The following ANO4 variants were observed in gnomAD, a reference collection of about 807,000 sequenced individuals.
The protein encoded by ANO4 is anoctamin-4.
ANO4 carries 69 observed loss-of-function variants against 141.9 expected under a neutral mutation model. The ratio of observed to expected loss-of-function variants is 0.49; its 90% CI spans 0.40 to 0.59. ANO4 has a LOEUF of 0.59. Ranked by LOEUF, ANO4 falls within the 20% of genes least tolerant of loss-of-function variation. The probability of loss-of-function intolerance (pLI) is 0.00; values close to 1 mark genes in which losing one functional copy is unlikely to be tolerated. For synonymous variants in ANO4, 350 were observed against 394.3 expected (o/e 0.89, Z 1.33); for missense variants, 894 against 1,162.2 (o/e 0.77, Z 3.36).
chr12:100,992,277 T>C (rs2045165317), intron 8 of ANO4, among the ~76,000 whole-genome samples: 1 of 152,220 alleles, frequency 6.6e-6, no homozygotes. Flanking sequence ...TTACAAGCTC[T>C]TAAATGCCTA....
chr12:100,760,272 C>G (rs960114411), intron 3 of ANO4, among the ~76,000 whole-genome samples: 1 of 152,166 alleles, frequency 6.6e-6, no homozygotes, highest in Non-Finnish European at 1.5e-5. Flanking sequence ...CTGTGTTTTC[C>G]ATGAGCTTTC....
In ANO4 at chr12:100,872,431, G is replaced by C. The variant is rs183804348; in HGVS notation, c.-140-29215G>C. Among the ~76,000 whole-genome samples the C allele has an allele frequency of 2.1e-4, 32 of 152,282 alleles. No homozygotes were observed. In the East Asian group the frequency reaches 5.6e-3, roughly 27 times the overall value. ...TTTCTGACCAATTCTCATATACCAA[G>C]TGTGGTCAGGAACATATATTTATGT... On this transcript the variant is annotated intron_variant, in intron 1 of 27. Coordinates refer to ENST00000392977, the MANE Select transcript of ANO4 (RefSeq NM_001286615.2).
At position 101,031,686 on chromosome 12, in the gene ANO4, T is replaced by C. The variant is rs1259805269; in HGVS notation, c.842-5409T>C. Among the ~76,000 whole-genome samples, 3 of 152,194 alleles carry C rather than the reference T, an allele frequency of 2.0e-5. No homozygotes were observed. In the East Asian group the frequency reaches 5.8e-4, roughly 29 times the overall value. On this transcript the variant is annotated intron_variant, in intron 9 of 27. Coordinates refer to ENST00000392977, the MANE Select transcript of ANO4 (RefSeq NM_001286615.2). ...ATGATTGTATATATAGAAAACTCCA[T>C]GATCTCAGCCAAAAATTTCCTTAAG...
chr12:100,975,741 A>G (rs1275129441), intron 7 of ANO4, among the ~76,000 whole-genome samples: 2 of 152,126 alleles, frequency 1.3e-5, no homozygotes, highest in African/African-American at 4.8e-5. Context: ...CGCCTGGCCA[A>G]TGTTATTTTT....
chr12:101,057,116 C>G (rs901308357), intron 14 of ANO4, among the ~76,000 whole-genome samples: 20 of 151,494 alleles, frequency 1.3e-4, no homozygotes, highest in African/African-American at 4.6e-4. Context: ...TTGGTTTTCT[C>G]TTCCTATGTT....
At chr12:100,894,520 AAGAT>A (rs1593666801) in intron 1 of ANO4, among the ~76,000 whole-genome samples, 1 of 152,058 alleles carries the variant, frequency 6.6e-6, no homozygotes, top group Non-Finnish European at 1.5e-5. Context: ...TCGCTTAACT[AAGAT>A]AGCACAAATT....
At chr12:100,904,346 G>A (rs568268467) in intron 2 of ANO4, among the ~76,000 whole-genome samples, 2 of 151,970 alleles carry the variant, frequency 1.3e-5, no homozygotes, top group South Asian at 4.2e-4. Context: ...ATAGTTATAT[G>A]TAAGCTATAT....
intron 9 of ANO4, among the ~76,000 whole-genome samples, chr12:101,035,292 A>G (rs1367587209): frequency 2.0e-5 from 3 of 152,230 alleles, no homozygotes; most frequent in Non-Finnish European, 2.9e-5. Context: ...TAAATGTTAT[A>G]TGATTCCATT....
At chr12:101,011,258 A>G (rs2046076022) in intron 8 of ANO4, among the ~76,000 whole-genome samples, 1 of 152,108 alleles carries the variant, frequency 6.6e-6, no homozygotes. Flanking sequence ...TAGAAGGAGC[A>G]AGAAATTCAC....
intron 26 of ANO4, among the ~76,000 whole-genome samples, chr12:101,125,483 G>T (rs2051273549): frequency 1.3e-5 from 2 of 152,082 alleles, no homozygotes; most frequent in Non-Finnish European, 2.9e-5. Flanking sequence ...TGACTGCCTG[G>T]GCCAGAACTT....
intron 8 of ANO4, among the ~76,000 whole-genome samples, chr12:101,003,866 T>C (rs1185327904): frequency 6.6e-6 from 1 of 152,106 alleles, no homozygotes; most frequent in Non-Finnish European, 1.5e-5. Flanking sequence ...TCCATGCAAG[T>C]TAACAAAGAC....
At chr12:101,034,315 G>T (rs950738967) in intron 9 of ANO4, among the ~76,000 whole-genome samples, 2 of 152,080 alleles carry the variant, frequency 1.3e-5, no homozygotes, top group East Asian at 1.9e-4. Flanking sequence ...TCCATAAAAA[G>T]GAATGAGATT....
intron 14 of ANO4, among the ~76,000 whole-genome samples, chr12:101,061,339 G>A (rs561706825): frequency 1.3e-5 from 2 of 151,568 alleles, no homozygotes; most frequent in South Asian, 2.1e-4. Context: ...TTTAACCTTG[G>A]TGAATCTGAC....
chr12:101,076,615 G>C (rs1397406733), intron 14 of ANO4, among the ~76,000 whole-genome samples: 1 of 151,742 alleles, frequency 6.6e-6, no homozygotes. Context: ...TAGAGGGTTG[G>C]TAGGGCGTAG....
chr12:100,914,776 A>AG (rs973618315), intron 2 of ANO4, among the ~76,000 whole-genome samples: 1 of 152,094 alleles, frequency 6.6e-6, no homozygotes, highest in African/African-American at 2.4e-5. Flanking sequence ...GGCTGATGCC[A>AG]GGAAAGTCTG....
At chr12:101,102,127 C>G (rs1335851784) in intron 22 of ANO4, among the ~76,000 whole-genome samples, 12 of 152,082 alleles carry the variant, frequency 7.9e-5, no homozygotes, top group Admixed American at 7.9e-4. Flanking sequence ...CATTCTACTG[C>G]TGATAGACAC....
chr12:100,907,717 T>C (rs1051527209), intron 2 of ANO4, among the ~76,000 whole-genome samples: 1 of 152,254 alleles, frequency 6.6e-6, no homozygotes, highest in Non-Finnish European at 1.5e-5. Context: ...TTTAAGAAAC[T>C]CATCCCTAGC....
At chr12:100,970,676 T>C (rs921162209) in intron 5 of ANO4, among the ~76,000 whole-genome samples, 1,484 of 61,652 alleles carry the variant, frequency 0.024, 30 homozygotes, top group Middle Eastern at 0.033. Flanking sequence ...CTTCCTTCCT[T>C]CCTTCCTTCC....
At chr12:100,825,383 A>T (rs1218783492) in intron 1 of ANO4, among the ~76,000 whole-genome samples, 1 of 152,058 alleles carries the variant, frequency 6.6e-6, no homozygotes, top group East Asian at 1.9e-4. Flanking sequence ...TCTGAAATAT[A>T]AATTATTTCA....
Sources: gnomAD v4.1 joint callset for allele counts (sites outside exome capture counted in the v4.1 genomes callset) on GRCh38, gnomAD v4.1.1 for gene constraint, MANE v1.5 for transcripts, NCBI Gene and HGNC (gene_info 2026-07-23, HGNC 2026-07-21) for gene names.